The following DYNC2H1 variants were observed in gnomAD, a reference collection of about 807,000 sequenced individuals.
DYNC2H1 encodes dynein cytoplasmic 2 heavy chain 1.
A neutral mutation model predicts 570.0 loss-of-function variants in DYNC2H1; 410 were observed. That is an observed-to-expected ratio of 0.72 (90% CI 0.66 to 0.78). The LOEUF is 0.78. DYNC2H1 is among the 30% of genes least tolerant of loss of function. DYNC2H1 has a pLI of 0.00. For missense variants in DYNC2H1, 4,865 were observed against 5,046.4 expected (o/e 0.96, Z 1.09); for synonymous variants, 1,688 against 1,677.6 (o/e 1.01, Z -0.15).
rs753953068 is a variant in DYNC2H1 at position 103,156,408 on chromosome 11, A to G, written c.3765A>G (p.Gln1255=). 1 of 1,613,316 alleles carries G rather than the reference A, an allele frequency of 6.2e-7. No homozygotes were observed. Among genetic ancestry groups the G allele is most frequent in the South Asian group, 1.1e-5 (1 of 90,940 alleles). ...AATAGGATTTAAATAGTCGGGCACAAGGTGAAGTTACAATCAGAGAAGCTT... is the reference window on the plus strand; with the variant it reads ...AATAGGATTTAAATAGTCGGGCACAGGGTGAAGTTACAATCAGAGAAGCTT... ...ADLKDLNSRA[Q]GEVTIREALR... The change falls in exon 26 of 89, where the codon CAA becomes CAG. Residue 1255 remains glutamine (Q), a synonymous_variant. Coordinates refer to ENST00000375735, the MANE Select transcript of DYNC2H1 (RefSeq NM_001377.3).
intron 40 of DYNC2H1, among the ~76,000 whole-genome samples, chr11:103,182,311 T>G (rs1301129184): frequency 6.6e-6 from 1 of 150,764 alleles, no homozygotes; most frequent in Non-Finnish European, 1.5e-5. Flanking sequence ...AATAAATACC[T>G]ATATATATGT....
In DYNC2H1 at chr11:103,153,331, C is replaced by A; in HGVS notation, c.3125C>A (p.Ser1042Ter). ...QIEVMKGNVK[S>*]RLQIYYQELE... ...GAAGTGATGAAAGGAAATGTGAAAT[C>A]ACGTCTTCAGATCTATTATCAAGAA... Residue 1042 changes from serine to a stop codon, truncating the protein, a stop_gained, in exon 22 of 89, where the codon TCA becomes TAA. Coordinates refer to ENST00000375735, the MANE Select transcript of DYNC2H1 (RefSeq NM_001377.3). LOFTEE classifies it high-confidence loss of function. 6.5e-7 allele frequency: 1 copy of A among 1,540,362 alleles called. No homozygotes were observed. The highest frequency in any genetic ancestry group is 1.4e-5 in the African/African-American group (1 of 72,474).
Position 103,135,813 on chromosome 11 carries a change from T to C in DYNC2H1, c.2439T>C (p.Phe813=), listed in dbSNP as rs143172984. Residue 813 remains phenylalanine, a synonymous_variant, in exon 17 of 89, where the codon TTT becomes TTC. Coordinates refer to ENST00000375735, the MANE Select transcript of DYNC2H1 (RefSeq NM_001377.3). ...GATTCATCGGCATTCCAAATCAGTT[T>C]AAGGGAGTGGGTGAGGCAGGAGATG... ...MKRFIGIPNQ[F]KGVGEAGDES... is the part of the protein sequence containing the mutation. The C allele has an allele frequency of 8.7e-5, 140 of 1,613,292 alleles. No individual in the cohort carries two copies. In the East Asian group the frequency reaches 3.0e-3, roughly 35 times the overall value.
rs763096544 is a variant in DYNC2H1, at chr11:103,120,456, A to G, written c.1009A>G (p.Ile337Val). Residue 337 changes from isoleucine to valine, a missense_variant, in exon 7 of 89, where the codon ATT becomes GTT. Around this residue, in one of 5 missense-constraint regions of DYNC2H1, gnomAD observed 1,936 missense variants for 1,962.1 expected, o/e 0.99. Transcript: ENST00000375735. The part of the protein sequence containing the change: ...LGKRLEEVLA[I>V]RTIHEKFLYF... ...TAATACTTCATTTTAGGTCTTGGCT[A>G]TTAGAACAATTCATGAGAAGTTTCT... The G allele has an allele frequency of 1.2e-5, 19 of 1,609,468 alleles. No homozygotes were observed. Among genetic ancestry groups the G allele is most frequent in the African/African-American group, 2.7e-5 (2 of 74,800 alleles).
chr11:103,334,599 A>T lies in DYNC2H1; in HGVS notation c.12039+10609A>T, dbSNP rs1939017314. Among the ~76,000 whole-genome samples, 1 of 152,092 alleles carries T rather than the reference A, an allele frequency of 6.6e-6. No individual in the cohort carries two copies. Among genetic ancestry groups the T allele is most frequent in the Non-Finnish European group, 1.5e-5 (1 of 67,964 alleles). ...GTTCAGTATTGGTATCTAATATGTA[A>T]CATCAATATAAATAACATATAAATA... On this transcript the variant is annotated intron_variant, in intron 82 of 88. Transcript: ENST00000375735. This position sits in a 1 kb window ranked among gnomAD's most constrained non-coding sequence, Gnocchi z 4.3.
At chr11:103,458,622 T>C (rs767287155) in intron 87 of DYNC2H1, among the ~76,000 whole-genome samples, 2 of 152,190 alleles carry the variant, frequency 1.3e-5, no homozygotes, top group Non-Finnish European at 2.9e-5. Context: ...AAGCCACTTA[T>C]GATGATCTAT....
At chr11:103,288,684 T>TAA (rs57040929) in intron 75 of DYNC2H1, among the ~76,000 whole-genome samples, 9,010 of 27,834 alleles carry the variant, frequency 0.32, 1,798 homozygotes, top group Non-Finnish European at 0.38. Context: ...CCGTCTCTAC[T>TAA]AAAAAAAAAA....
At chr11:103,142,536 G>A (rs888969507) in intron 17 of DYNC2H1, among the ~76,000 whole-genome samples, 1 of 152,070 alleles carries the variant, frequency 6.6e-6, no homozygotes, top group Non-Finnish European at 1.5e-5. Context: ...GGGCATGGTG[G>A]TGGTCACCTG....
intron 82 of DYNC2H1, among the ~76,000 whole-genome samples, chr11:103,330,013 C>T (rs551379321): frequency 6.6e-6 from 1 of 152,262 alleles, no homozygotes; most frequent in East Asian, 1.9e-4. Flanking sequence ...TATTGATCCT[C>T]TGGTATTTTT....
intron 35 of DYNC2H1, among the ~76,000 whole-genome samples, 184 bp downstream of exon 35, chr11:103,173,489 C>A (rs1038400250): frequency 1.3e-5 from 2 of 151,978 alleles, no homozygotes. Context: ...TGGTTCAAAA[C>A]TACTTGCTTT....
At chr11:103,202,293 G>GT (rs1318165052) in intron 50 of DYNC2H1, among the ~76,000 whole-genome samples, 1 of 47,184 alleles carries the variant, frequency 2.1e-5, no homozygotes, top group African/African-American at 1.5e-4. Context: ...CAGAAACACA[G>GT]ATTTTTTTTT....
At position 103,154,612 on chromosome 11, in the gene DYNC2H1, A is replaced by T; in HGVS notation, c.3458+6A>T. 6.3e-7 allele frequency: 1 copy of T among 1,587,362 alleles called. No homozygotes were observed. Among genetic ancestry groups the T allele is most frequent in the African/African-American group, 1.4e-5 (1 of 73,956 alleles). On this transcript the variant is annotated splice_donor_region_variant and intron_variant, in intron 23 of 88. Transcript: ENST00000375735. Reference sequence around the variant, plus strand: ...GAAGACTGGATCACTTTTCGGTTTGATTCAAAAACAATATTTAGACTAATA... The same window carrying T: ...GAAGACTGGATCACTTTTCGGTTTGTTTCAAAAACAATATTTAGACTAATA...
rs543962526 is a variant in DYNC2H1 at position 103,145,412 on chromosome 11, G to T, written c.2702+2017G>T. Among the ~76,000 whole-genome samples, 172 of 152,208 alleles carry T rather than the reference G, an allele frequency of 1.1e-3. No individual in the cohort carries two copies. Among genetic ancestry groups the T allele is most frequent in the African/African-American group, 4.1e-3 (170 of 41,538 alleles). On this transcript the variant is annotated intron_variant, in intron 18 of 88. Transcript: ENST00000375735. The surrounding 1 kb of genome is among the most constrained non-coding windows in gnomAD (Gnocchi z 4.2). ...CTTGCACATGGGGTTTTTCTTCTCT[G>T]TTGGGCCTTGCCTTTGATCCCAATC... is the stretch of plus-strand genomic sequence containing the variant.
rs755194618 is a variant in DYNC2H1 at position 103,156,686 on chromosome 11, A to G, written c.4043A>G (p.Lys1348Arg). ...YLQNLNHIQR[K>R]WVYLEPIFGR... ...CAGAATTTAAATCATATTCAGAGAA[A>G]GTGGGTGTATTTGGAACCCATTTTC... The change falls in exon 26 of 89, where the codon AAG (lysine) becomes AGG (arginine). Residue 1348 changes from lysine to arginine, a missense_variant. Physicochemically the swap from Lys to Arg is conservative, Grantham distance 26. Around this residue, in one of 5 missense-constraint regions of DYNC2H1, gnomAD observed 1,936 missense variants for 1,962.1 expected, o/e 0.99. Transcript: ENST00000375735. The G allele has an allele frequency of 6.2e-7, 1 of 1,613,410 alleles. No individual in the cohort carries two copies. The highest frequency in any genetic ancestry group is 8.5e-7 in the Non-Finnish European group (1 of 1,179,668).
chr11:103,322,228 G>T (rs313399), intron 81 of DYNC2H1, among the ~76,000 whole-genome samples: 44,147 of 151,822 alleles, frequency 0.29, 7,408 homozygotes, highest in Non-Finnish European at 0.37. Context: ...AACCTTAGAG[G>T]GAATGAATAA....
chr11:103,127,387 G>A (rs535083684), intron 12 of DYNC2H1, among the ~76,000 whole-genome samples: 13 of 152,262 alleles, frequency 8.5e-5, no homozygotes, highest in African/African-American at 3.1e-4. Flanking sequence ...ATAGATAGCA[G>A]TATGGCTAGA....
At chr11:103,200,183 A>G (rs1862663304) in intron 50 of DYNC2H1, 29 bp downstream of exon 50, 3 of 1,402,120 alleles carry the variant, frequency 2.1e-6, no homozygotes, top group Non-Finnish European at 2.9e-6. Context: ...TTCGAAGAAA[A>G]TAAAAATAAT....
At chr11:103,342,161 T>C (rs1170653272) in intron 82 of DYNC2H1, among the ~76,000 whole-genome samples, 2 of 151,894 alleles carry the variant, frequency 1.3e-5, no homozygotes, top group Non-Finnish European at 2.9e-5. Flanking sequence ...TTTTCTGTCT[T>C]ACAAGAGGTT....
In DYNC2H1 at chr11:103,326,978, G is replaced by T. The variant is rs1169892351; in HGVS notation, c.12039+2988G>T. Among the ~76,000 whole-genome samples, 1 of 152,174 alleles carries T rather than the reference G, an allele frequency of 6.6e-6. No homozygotes were observed. The highest frequency in any genetic ancestry group is 1.5e-5 in the Non-Finnish European group (1 of 68,030). ...ATCCTCCACCAGCTCACACATCCAT[G>T]GTGGATGCGGGGTCCGCTGAGCTAG... On this transcript the variant is annotated intron_variant, in intron 82 of 88. Coordinates refer to ENST00000375735, the MANE Select transcript of DYNC2H1 (RefSeq NM_001377.3). The surrounding 1 kb of genome is among the most constrained non-coding windows in gnomAD (Gnocchi z 6.1).
Sources: gnomAD v4.1 joint callset for allele counts (sites outside exome capture counted in the v4.1 genomes callset) on GRCh38, gnomAD v4.1.1 for gene constraint, gnomAD v4.1.1 regional missense constraint, Gnocchi (gnomAD v3.1) non-coding constraint, MANE v1.5 for transcripts, NCBI Gene and HGNC (gene_info 2026-07-23, HGNC 2026-07-21) for gene names.